The following CDCP2 variants were observed in gnomAD, a reference collection of about 807,000 sequenced individuals.
The protein encoded by CDCP2 is CUB domain containing protein 2, also known as CUB domain-containing protein 2.
CDCP2 carries 31 observed loss-of-function variants against 31.0 expected under a neutral mutation model. That is an observed-to-expected ratio of 1.00 (90% CI 0.75 to 1.35). The LOEUF is 1.35. CDCP2 is among the 40% of genes most tolerant of loss of function. The pLI, the probability that CDCP2 is intolerant of heterozygous loss-of-function variation, is 0.00. For synonymous variants in CDCP2, 206 were observed against 207.9 expected (o/e 0.99, Z 0.08); for missense variants, 443 against 482.6 (o/e 0.92, Z 0.77).
chr1:54,151,024 C>T (rs1046672472), intron 1 of CDCP2, among the ~76,000 whole-genome samples: 6 of 151,962 alleles, frequency 3.9e-5, no homozygotes, highest in Non-Finnish European at 8.8e-5. Context: ...CTCTGGGGTC[C>T]GGGGAGAGGA....
At chr1:54,142,727 T>A (rs1571542) in intron 2 of CDCP2, 1 of 152,068 alleles carries the variant, frequency 6.6e-6, no homozygotes, top group African/African-American at 2.4e-5. Context: ...GGGACTCAGA[T>A]TTTGTGAAAT....
At chr1:54,145,735 A>C (rs1659457098) in intron 1 of CDCP2, among the ~76,000 whole-genome samples, 1 of 152,218 alleles carries the variant, frequency 6.6e-6, no homozygotes, top group South Asian at 2.1e-4. Context: ...AATAAGAATA[A>C]TTCTCTGTCA....
intron 4 of CDCP2, chr1:54,138,777 G>T (rs1345498057): frequency 6.6e-6 from 1 of 152,272 alleles, no homozygotes; most frequent in Non-Finnish European, 1.5e-5. Context: ...TCTAATCCTG[G>T]CTGTGCCACT....
rs745998253 is a variant in CDCP2, at chr1:54,140,113, G to A, written c.764-7C>T. ...TATACCTCCTGGCATTCTCCTGGAT[G>A]GGGGATGGGGAGGTGGAAGGAGCAA... On this transcript the variant is annotated splice_region_variant and splice_polypyrimidine_tract_variant and intron_variant, in intron 3 of 5. Coordinates refer to ENST00000530059, the Ensembl canonical transcript of CDCP2. 1.2e-6 allele frequency: 2 copies of A among 1,611,834 alleles called. No individual in the cohort carries two copies. The highest frequency in any genetic ancestry group is 2.7e-5 in the African/African-American group (2 of 74,862).
At chr1:54,147,846 C>CA (rs949726999) in intron 1 of CDCP2, among the ~76,000 whole-genome samples, 6 of 150,428 alleles carry the variant, frequency 4.0e-5, no homozygotes, top group African/African-American at 1.5e-4. Flanking sequence ...CCCATCTCTA[C>CA]AAAAAAAATT....
intron 1 of CDCP2, among the ~76,000 whole-genome samples, chr1:54,150,327 G>T (rs1659559533): frequency 6.6e-6 from 1 of 152,208 alleles, no homozygotes; most frequent in African/African-American, 2.4e-5. Context: ...AGGCGTGGTG[G>T]TTCAGGCCTG....
At chr1:54,140,190 G>A in intron 3 of CDCP2, 84 bp from the exon 4 acceptor site, 1 of 1,340,540 alleles carries the variant, frequency 7.5e-7, no homozygotes, top group Non-Finnish European at 1.1e-6. Context: ...TAGGCAGCAG[G>A]TGCCACAGTG....
At chr1:54,141,298 A>T in exon 3 of CDCP2, 1 of 1,614,216 alleles carries the variant, frequency 6.2e-7, no homozygotes, top group Non-Finnish European at 8.5e-7. Flanking sequence ...CTGGAAGTCC[A>T]CGAACACCAG....
intron 1 of CDCP2, among the ~76,000 whole-genome samples, chr1:54,147,438 G>A (rs1050728308): frequency 4.0e-5 from 6 of 151,830 alleles, no homozygotes; most frequent in African/African-American, 1.5e-4. Flanking sequence ...TGCAATCTTA[G>A]CTCACTGCAA....
exon 4 of CDCP2, chr1:54,139,996 C>G: frequency 6.2e-7 from 1 of 1,614,008 alleles, no homozygotes. Context: ...ACCTGGTAGC[C>G]CGGGGGCAGG....
chr1:54,147,156 C>T (rs573997415), intron 1 of CDCP2, among the ~76,000 whole-genome samples: 2 of 148,394 alleles, frequency 1.3e-5, no homozygotes, highest in South Asian at 2.1e-4. Context: ...AGGTACAATT[C>T]GAGCATCAAA....
At chr1:54,152,384 A>G (rs1030229861) in intron 1 of CDCP2, among the ~76,000 whole-genome samples, 9 of 152,184 alleles carry the variant, frequency 5.9e-5, no homozygotes, top group African/African-American at 2.2e-4. Context: ...GAATTGTTTG[A>G]ACCTGGGAGG....
chr1:54,143,897 A>G (rs1197389122), intron 2 of CDCP2: 1 of 152,212 alleles, frequency 6.6e-6, no homozygotes, highest in Non-Finnish European at 1.5e-5. Context: ...GTTGAAGGAG[A>G]GAGGGGTTAG....
intron 1 of CDCP2, among the ~76,000 whole-genome samples, chr1:54,146,181 A>AT (rs11314265): frequency 0.026 from 3,833 of 145,336 alleles, 188 homozygotes; most frequent in African/African-American, 0.089. Context: ...GGTAAGTATA[A>AT]TTTTTTTTTT....
rs1204957086 is a variant in CDCP2 at position 54,144,455 on chromosome 1, C to T, written c.427+11G>A. On this transcript the variant is annotated intron_variant, in intron 2 of 5. Coordinates refer to ENST00000530059, the Ensembl canonical transcript of CDCP2. ...AGCCACTGCAACAGGTCCCTAAGGCCCCCCGTTGACCTTTCTGGTAGCCCG... is the reference window on the plus strand; with the variant it reads ...AGCCACTGCAACAGGTCCCTAAGGCTCCCCGTTGACCTTTCTGGTAGCCCG... 2.6e-6 allele frequency: 4 copies of T among 1,555,852 alleles called. No homozygotes were observed. Among genetic ancestry groups the T allele is most frequent in the Middle Eastern group, 1.7e-4 (1 of 5,740 alleles).
intron 5 of CDCP2, among the ~76,000 whole-genome samples, chr1:54,133,608 C>T (rs781133188): frequency 2.0e-5 from 3 of 152,126 alleles, no homozygotes; most frequent in Non-Finnish European, 4.4e-5. Context: ...CACTAAAACC[C>T]CCATGTGGCC....
chr1:54,133,894 T>A (rs1263222270), intron 5 of CDCP2, among the ~76,000 whole-genome samples: 2 of 21,232 alleles, frequency 9.4e-5, no homozygotes, highest in Non-Finnish European at 2.8e-4. Flanking sequence ...AGACTCCATC[T>A]CAAAAACAAA....
intron 4 of CDCP2, chr1:54,138,132 T>G (rs1659292009): frequency 6.6e-6 from 1 of 152,310 alleles, no homozygotes; most frequent in Non-Finnish European, 1.5e-5. Flanking sequence ...CTTCCTCTCC[T>G]TCTCTGCAGA....
chr1:54,142,403 T>C (rs1659389732), intron 2 of CDCP2: 1 of 152,234 alleles, frequency 6.6e-6, no homozygotes, highest in Admixed American at 6.5e-5. Flanking sequence ...CTGAGCCTCA[T>C]TGGAACATTA....
Sources: gnomAD v4.1 joint callset for allele counts (sites outside exome capture counted in the v4.1 genomes callset) on GRCh38, gnomAD v4.1.1 for gene constraint, MANE v1.5 for transcripts, NCBI Gene and HGNC (gene_info 2026-07-23, HGNC 2026-07-21) for gene names.